The following YWHAG variants were observed in gnomAD, a reference collection of about 807,000 sequenced individuals.
The protein encoded by YWHAG is 14-3-3 protein gamma.
YWHAG carries 1 observed loss-of-function variant against 23.3 expected under a neutral mutation model. The observed-to-expected ratio is 0.04, with a 90% CI of 0.02 to 0.20. The LOEUF (loss-of-function observed/expected upper bound fraction) is 0.20, where lower values mean the gene tolerates loss of function less well. Ranked by LOEUF, YWHAG falls within the 10% of genes least tolerant of loss-of-function variation. The pLI, the probability that YWHAG is intolerant of heterozygous loss-of-function variation, is 1.00. For missense variants in YWHAG, 151 were observed against 338.6 expected (o/e 0.45, Z 4.35); for synonymous variants, 160 against 144.0 (o/e 1.11, Z -0.80).
intron 1 of YWHAG, among the ~76,000 whole-genome samples, chr7:76,351,568 C>T (rs1040016572): frequency 4.6e-5 from 7 of 152,294 alleles, no homozygotes; most frequent in African/African-American, 1.7e-4. Context: ...CCCCACTGCT[C>T]GAATTACCAC....
rs775160541 is a variant in YWHAG at position 76,338,273 on chromosome 7, G to A, written c.88-8040C>T. ...ACTTTAGTTGGGTTTTTCCAGCAGC[G>A]ATCACCCTGGCTAAAAATTGTGCAG... On this transcript the variant is annotated intron_variant, in intron 1 of 1. Coordinates refer to ENST00000307630, the MANE Select transcript of YWHAG (RefSeq NM_012479.4). Among the ~76,000 whole-genome samples, 6 of 152,086 alleles carry A rather than the reference G, an allele frequency of 3.9e-5. No individual in the cohort carries two copies. The South Asian group carries it at 6.2e-4, about 16-fold the overall frequency.
At chr7:76,349,132 GA>G (rs1355171890) in intron 1 of YWHAG, among the ~76,000 whole-genome samples, 1 of 151,994 alleles carries the variant, frequency 6.6e-6, no homozygotes, top group Non-Finnish European at 1.5e-5. Flanking sequence ...CACGAGGTCA[GA>G]AGATTGAGAC....
chr7:76,332,267 A>G (rs564578417), intron 1 of YWHAG, among the ~76,000 whole-genome samples: 2 of 152,332 alleles, frequency 1.3e-5, no homozygotes, highest in East Asian at 1.9e-4. Flanking sequence ...CTCCTCCTGC[A>G]TGAATAAACA....
At chr7:76,351,746 T>C (rs1803877316) in intron 1 of YWHAG, among the ~76,000 whole-genome samples, 1 of 152,220 alleles carries the variant, frequency 6.6e-6, no homozygotes, top group Non-Finnish European at 1.5e-5. Context: ...GACCATCTAA[T>C]TGTAGAACAA....
intron 1 of YWHAG, among the ~76,000 whole-genome samples, chr7:76,331,721 A>G (rs1285792509): frequency 1.3e-5 from 2 of 151,848 alleles, no homozygotes; most frequent in Non-Finnish European, 2.9e-5. Context: ...TTGAATCATT[A>G]TGTTCAGTAT....
intron 1 of YWHAG, among the ~76,000 whole-genome samples, chr7:76,356,333 T>C (rs1035944534): frequency 6.6e-6 from 1 of 152,228 alleles, no homozygotes; most frequent in Non-Finnish European, 1.5e-5. Flanking sequence ...ACAGAGCCTA[T>C]TTCCTTAAAG....
chr7:76,358,178 T>C (rs1245570497), intron 1 of YWHAG, among the ~76,000 whole-genome samples: 1 of 152,000 alleles, frequency 6.6e-6, no homozygotes, highest in Non-Finnish European at 1.5e-5. Flanking sequence ...AGAGACCCTA[T>C]ACAATGTTTC....
chr7:76,343,988 G>A (rs917976863), intron 1 of YWHAG, among the ~76,000 whole-genome samples: 1 of 152,128 alleles, frequency 6.6e-6, no homozygotes, highest in Non-Finnish European at 1.5e-5. Flanking sequence ...AATTCCTATT[G>A]AGATGTCAGT....
chr7:76,343,483 T>C (rs1024951021), intron 1 of YWHAG, among the ~76,000 whole-genome samples: 2 of 152,226 alleles, frequency 1.3e-5, no homozygotes, highest in Admixed American at 6.5e-5. Context: ...CCATGAATCA[T>C]GGTGGTACCT....
At chr7:76,337,835 C>A (rs1490460185) in intron 1 of YWHAG, among the ~76,000 whole-genome samples, 1 of 152,136 alleles carries the variant, frequency 6.6e-6, no homozygotes, top group Admixed American at 6.6e-5. Context: ...TGTGCCCGAC[C>A]CCATTTGCTG....
Position 76,357,868 on chromosome 7 carries a change from A to T in YWHAG, c.87+854T>A, listed in dbSNP as rs919352803. ...TTTCCCCCAACTTATAGGAATTTCA[A>T]CAGACGCGTGCCTGTATTCAAAAAA... On this transcript the variant is annotated intron_variant, in intron 1 of 1. Transcript: ENST00000307630. 1.2e-4 allele frequency among the ~76,000 whole-genome samples: 18 copies of T among 152,302 alleles called. 2 individuals are homozygous for T. The highest frequency in any genetic ancestry group is 1.2e-3 in the Admixed American group (18 of 15,288).
At position 76,330,057 on chromosome 7, in the gene YWHAG, C is replaced by T. The variant is rs774070217; in HGVS notation, c.264G>A (p.Lys88=). 2.5e-5 allele frequency: 40 copies of T among 1,614,060 alleles called. No individual in the cohort carries two copies. Among genetic ancestry groups the T allele is most frequent in the Non-Finnish European group, 3.4e-5 (40 of 1,180,032 alleles). The part of the protein sequence containing the change: ...KIEMVRAYRE[K]IEKELEAVCQ... The stretch of plus-strand genomic sequence containing the variant: ...ACACAGCCTCCAACTCCTTCTCTAT[C>T]TTCTCCCGGTACGCACGGACCATCT... Residue 88 remains lysine (K), a synonymous_variant, in exon 2 of 2, where the codon AAG becomes AAA. Transcript: ENST00000307630.
chr7:76,344,400 C>A (rs957881761), intron 1 of YWHAG, among the ~76,000 whole-genome samples: 1 of 152,134 alleles, frequency 6.6e-6, no homozygotes, highest in Non-Finnish European at 1.5e-5. Context: ...ACAATTAGGG[C>A]ACATGACATG....
At chr7:76,355,812 C>T (rs928791120) in intron 1 of YWHAG, among the ~76,000 whole-genome samples, 3 of 152,132 alleles carry the variant, frequency 2.0e-5, no homozygotes. Context: ...ACCTTTTCTC[C>T]CCAAGGCAAG....
chr7:76,346,288 C>T (rs1803778621), intron 1 of YWHAG, among the ~76,000 whole-genome samples: 2 of 152,226 alleles, frequency 1.3e-5, no homozygotes, highest in Admixed American at 6.5e-5. Context: ...CAACCACTCC[C>T]TAGCGCTTTA....
intron 1 of YWHAG, among the ~76,000 whole-genome samples, chr7:76,340,659 C>T (rs1803678938): frequency 6.6e-6 from 1 of 152,192 alleles, no homozygotes; most frequent in Admixed American, 6.5e-5. Context: ...ATCCCACATG[C>T]TTTCCACTAT....
At chr7:76,346,939 C>T (rs1411544953) in intron 1 of YWHAG, among the ~76,000 whole-genome samples, 1 of 152,152 alleles carries the variant, frequency 6.6e-6, no homozygotes, top group Non-Finnish European at 1.5e-5. Flanking sequence ...TGAATGCCAC[C>T]AACAAGGACT....
At chr7:76,352,303 T>C (rs1803887721) in intron 1 of YWHAG, among the ~76,000 whole-genome samples, 1 of 152,186 alleles carries the variant, frequency 6.6e-6, no homozygotes, top group Non-Finnish European at 1.5e-5. Context: ...TTTAAAGCCT[T>C]CCCCTCGCTC....
intron 1 of YWHAG, among the ~76,000 whole-genome samples, chr7:76,340,751 G>C (rs1803680463): frequency 6.6e-6 from 1 of 152,112 alleles, no homozygotes; most frequent in Non-Finnish European, 1.5e-5. Context: ...GTTCAGATGG[G>C]AACCATGCAT....
Sources: allele counts gnomAD v4.1 joint callset (sites outside exome capture counted in the v4.1 genomes callset), GRCh38; gene constraint gnomAD v4.1.1; transcripts MANE v1.5; gene names NCBI Gene and HGNC (gene_info 2026-07-23, HGNC 2026-07-21).